FLOT2: variants seen among roughly 807,000 people sequenced by gnomAD.
The protein encoded by FLOT2 is flotillin 2, also known as flotillin-2.
FLOT2 carries 35 observed loss-of-function variants against 54.9 expected under a neutral mutation model. The observed-to-expected ratio is 0.64, with a 90% CI of 0.49 to 0.84. The LOEUF is 0.84. Among genes scored for constraint, FLOT2 ranks in the 40% least tolerant of loss-of-function variants. The pLI, the probability that FLOT2 is intolerant of heterozygous loss-of-function variation, is 0.00. For missense variants in FLOT2, 464 were observed against 572.1 expected (o/e 0.81, Z 1.93); for synonymous variants, 207 against 228.9 (o/e 0.90, Z 0.86).
In FLOT2 at chr17:28,888,986, G is replaced by A. The variant is rs115482131; in HGVS notation, c.90C>T (p.Gly30=). 6.4e-4 allele frequency: 1,036 copies of A among 1,614,122 alleles called. 7 individuals carry two copies. The African/African-American group carries it at 0.011, about 17-fold the overall frequency. Reference sequence around the variant, plus strand: ...TACACCACCAGGCCCAGGCCCAGCCGCCAAACACGTACTGTTTATAGTCGG... The same window carrying A: ...TACACCACCAGGCCCAGGCCCAGCCACCAAACACGTACTGTTTATAGTCGG... ...CGSDYKQYVF[G]GWAWAWWCIS... is the part of the protein sequence containing the mutation. Residue 30 remains glycine, a synonymous_variant, in exon 2 of 11, where the codon GGC becomes GGT. Transcript: ENST00000394908.
chr17:28,882,086 G>A lies in FLOT2; in HGVS notation c.699+32C>T, dbSNP rs1598089080. The A allele has an allele frequency of 6.2e-7, 1 of 1,613,860 alleles. No individual in the cohort carries two copies. ...CTGGTCACCAAGTCCTGATCCCTGA[G>A]CCCCATCCCAGGATGTCCTCAGGCT... On this transcript the variant is annotated intron_variant, in intron 7 of 10. Transcript: ENST00000394908. The surrounding 1 kb of genome is among the most constrained non-coding windows in gnomAD (Gnocchi z 5.6).
chr17:28,889,176 G>A, intron 1 of FLOT2, 150 bp from the exon 2 acceptor site: 1 of 659,326 alleles, frequency 1.5e-6, no homozygotes, highest in South Asian at 1.7e-5. Flanking sequence ...ACATCAATGA[G>A]AGAGAAGTTC....
Position 28,883,386 on chromosome 17 carries a change from G to C in FLOT2, c.223-155C>G, listed in dbSNP as rs184626203. On this transcript the variant is annotated intron_variant, in intron 3 of 10. Coordinates refer to ENST00000394908, the MANE Select transcript of FLOT2 (RefSeq NM_004475.3). The surrounding 1 kb of genome is among the most constrained non-coding windows in gnomAD (Gnocchi z 5.0). Reference sequence around the variant, plus strand: ...CTGGAATCTGTCTGAAGCCTCTAGTGGGGAGACAGCAGCACAAGGGCTTCT... The same window carrying C: ...CTGGAATCTGTCTGAAGCCTCTAGTCGGGAGACAGCAGCACAAGGGCTTCT... 2.6e-5 allele frequency among the ~76,000 whole-genome samples: 4 copies of C among 152,234 alleles called. No homozygotes were observed. The highest frequency in any genetic ancestry group is 2.6e-4 in the Admixed American group (4 of 15,290).
chr17:28,895,322 G>T (rs1177693698), intron 1 of FLOT2, among the ~76,000 whole-genome samples: 1 of 152,112 alleles, frequency 6.6e-6, no homozygotes, highest in African/African-American at 2.4e-5. Context: ...ACATTAAATA[G>T]TAAGATCTAG....
Position 28,880,380 on chromosome 17 carries a change from G to C in FLOT2, c.*181C>G. The C allele has an allele frequency of 2.7e-6, 4 of 1,454,812 alleles. No homozygotes were observed. Among genetic ancestry groups the C allele is most frequent in the Non-Finnish European group, 2.7e-6 (3 of 1,105,298 alleles). 90.1% of individuals were successfully genotyped at this position (1,454,812 alleles called of 1,614,324 possible). A position where few individuals can be genotyped will look rare whatever the true frequency, so the allele number is the denominator to read the frequency against. Reference sequence around the variant, plus strand: ...GAAAGTGGGGTAAAGGAGAGGAAGAGGAGGAGGTGGACAGACAGGAGAGAC... The same window carrying C: ...GAAAGTGGGGTAAAGGAGAGGAAGACGAGGAGGTGGACAGACAGGAGAGAC... On this transcript the variant is annotated 3_prime_UTR_variant, in exon 11 of 11. Transcript: ENST00000394908.
In FLOT2 at chr17:28,883,145, G is replaced by A. The variant is rs1404401512; in HGVS notation, c.309C>T (p.Val103=). The A allele has an allele frequency of 6.2e-7, 1 of 1,614,130 alleles. No individual in the cohort carries two copies. ...GKNVQDIKNV[V]LQTLEGHLRS... is the part of the protein sequence containing the mutation. ...GCAGATGTCCCTCCAGGGTCTGCAG[G>A]ACGACGTTTTTGATGTCCTGCACAT... Residue 103 remains valine (V), a synonymous_variant, in exon 4 of 11, where the codon GTC becomes GTT. Coordinates refer to ENST00000394908, the MANE Select transcript of FLOT2 (RefSeq NM_004475.3). This position sits in a 1 kb window ranked among gnomAD's most constrained non-coding sequence, Gnocchi z 5.0.
At chr17:28,888,004 C>A (rs1187137006) in intron 2 of FLOT2, among the ~76,000 whole-genome samples, 1 of 152,194 alleles carries the variant, frequency 6.6e-6, no homozygotes, top group Non-Finnish European at 1.5e-5. Flanking sequence ...CAGCTTGGTG[C>A]AGACGTGAGC....
At chr17:28,895,807 G>C (rs2039731681) in intron 1 of FLOT2, among the ~76,000 whole-genome samples, 1 of 152,170 alleles carries the variant, frequency 6.6e-6, no homozygotes, top group Non-Finnish European at 1.5e-5. Flanking sequence ...CAAACTGAAG[G>C]AGGGAAGTTA....
intron 1 of FLOT2, among the ~76,000 whole-genome samples, chr17:28,890,195 G>GC (rs1360530320): frequency 6.6e-6 from 1 of 152,144 alleles, no homozygotes; most frequent in Non-Finnish European, 1.5e-5. Context: ...GGAAGGCAAG[G>GC]CCTCAAAACA....
In FLOT2 at chr17:28,880,558, G is replaced by A. The variant is rs1393088479; in HGVS notation, c.*3C>T. On this transcript the variant is annotated 3_prime_UTR_variant, in exon 11 of 11. Coordinates refer to ENST00000394908, the MANE Select transcript of FLOT2 (RefSeq NM_004475.3). ...TGCTGAAGAGAGTGGGCCTGCAGGA[G>A]CCTCACACCTGCACACCAGTGGCCT... 1.2e-6 allele frequency: 2 copies of A among 1,613,738 alleles called. No homozygotes were observed. The highest frequency in any genetic ancestry group is 4.5e-5 in the East Asian group (2 of 44,876).
chr17:28,891,866 GGGAGGGCTTGAAAGGTT>G (rs1290933609), intron 1 of FLOT2, among the ~76,000 whole-genome samples: 2 of 152,222 alleles, frequency 1.3e-5, no homozygotes, highest in Non-Finnish European at 2.9e-5. Flanking sequence ...ACCCCCAGTG[GGGAGGGCTTGAAAGGTT>G]GGAGAGCTGG....
chr17:28,881,353 G>A lies in FLOT2; in HGVS notation c.937C>T (p.Gln313Ter). The A allele has an allele frequency of 1.9e-6, 3 of 1,612,654 alleles. No individual in the cohort carries two copies. The highest frequency in any genetic ancestry group is 2.5e-6 in the Non-Finnish European group (3 of 1,180,030). ...GEKVKQVLLA[Q>*]AEAEKIRKIG... is the part of the protein sequence containing the mutation. ...TTGCGGATCTTCTCAGCCTCTGCCT[G>A]TGCCAAGAGGACCTGCTTCACCCTG... Residue 313 changes from glutamine (Q) to a stop codon, truncating the protein, a stop_gained, in exon 9 of 11, where the codon CAG (glutamine) becomes TAG (stop). Coordinates refer to ENST00000394908, the MANE Select transcript of FLOT2 (RefSeq NM_004475.3). LOFTEE classifies it high-confidence loss of function.
At chr17:28,889,059 C>A in intron 1 of FLOT2, 33 bp from the exon 2 acceptor site, 2 of 1,596,966 alleles carry the variant, frequency 1.3e-6, no homozygotes, top group South Asian at 2.2e-5. Context: ...GCAAGTCAGT[C>A]GGTTCTTGGG....
intron 1 of FLOT2, chr17:28,892,356 CTTTTTTTTTTT>C (rs1169732012): frequency 1.2e-5 from 1 of 86,748 alleles, no homozygotes; most frequent in Non-Finnish European, 2.1e-5. Context: ...GATGGCCACT[CTTTTTTTTTTT>C]TTTTTTTTTG....
At chr17:28,894,572 T>C (rs1320886402) in intron 1 of FLOT2, among the ~76,000 whole-genome samples, 2 of 148,832 alleles carry the variant, frequency 1.3e-5, no homozygotes, top group African/African-American at 4.9e-5. Flanking sequence ...TGCAGTGAGC[T>C]GAAGTCATAC....
chr17:28,894,254 A>G (rs1401341544), intron 1 of FLOT2, among the ~76,000 whole-genome samples: 1 of 152,134 alleles, frequency 6.6e-6, no homozygotes, highest in Non-Finnish European at 1.5e-5. Flanking sequence ...TGGGAGGCTG[A>G]GGTGGGAGGA....
intron 2 of FLOT2, among the ~76,000 whole-genome samples, chr17:28,888,679 A>C (rs1374298498): frequency 6.6e-6 from 1 of 152,176 alleles, no homozygotes; most frequent in African/African-American, 2.4e-5. Flanking sequence ...GGACAGAAGT[A>C]ATGCCACCTC....
At position 28,884,465 on chromosome 17, in the gene FLOT2, G is replaced by C; in HGVS notation, c.132-150C>G. 1.7e-6 allele frequency: 1 copy of C among 603,944 alleles called. No individual in the cohort carries two copies. The highest frequency in any genetic ancestry group is 2.0e-5 in the South Asian group (1 of 51,218). The allele number at this position is 603,944 out of a possible 1,614,324, so 37.4% of individuals were successfully genotyped here. ...ACGGGGCTGAGATGGGAGTGTCTGA[G>C]AAGGAGGTGGGCACGAGGGCAGGGT... On this transcript the variant is annotated intron_variant, in intron 2 of 10. Transcript: ENST00000394908. This position sits in a 1 kb window ranked among gnomAD's most constrained non-coding sequence, Gnocchi z 5.1.
In FLOT2 at chr17:28,879,897, A is replaced by G. The variant is rs2039418729; in HGVS notation, c.*664T>C. 4 of 986,160 alleles carry G rather than the reference A, an allele frequency of 4.1e-6. No homozygotes were observed. Among genetic ancestry groups the G allele is most frequent in the Non-Finnish European group, 4.8e-6 (4 of 830,200 alleles). 61.1% of individuals were successfully genotyped at this position (986,160 alleles called of 1,614,324 possible). ...AGTAGGAAACTGAGGAAGCTGCTGTAGACAGGAGGCCTTGCCTCTGTGCCC... is the reference window on the plus strand; with the variant it reads ...AGTAGGAAACTGAGGAAGCTGCTGTGGACAGGAGGCCTTGCCTCTGTGCCC... On this transcript the variant is annotated 3_prime_UTR_variant, in exon 11 of 11. Transcript: ENST00000394908.
Sources: allele counts gnomAD v4.1 joint callset (sites outside exome capture counted in the v4.1 genomes callset), GRCh38; gene constraint gnomAD v4.1.1; non-coding constraint Gnocchi (gnomAD v3.1); transcripts MANE v1.5; gene names NCBI Gene and HGNC (gene_info 2026-07-23, HGNC 2026-07-21).